SPART: variants seen among roughly 807,000 people sequenced by gnomAD.
SPART encodes the protein spastic paraplegia 20 (Troyer syndrome).
A neutral mutation model predicts 58.7 loss-of-function variants in SPART; 35 were observed. That is an observed-to-expected ratio of 0.60 (90% CI 0.46 to 0.79). The LOEUF (loss-of-function observed/expected upper bound fraction) is 0.79, where lower values mean the gene tolerates loss of function less well. SPART is among the 30% of genes least tolerant of loss of function. The pLI is 0.00. For missense variants in SPART, 730 were observed against 786.1 expected (o/e 0.93, Z 0.85); for synonymous variants, 284 against 280.7 (o/e 1.01, Z -0.12).
At chr13:36,321,158 G>A (rs1213949064) in intron 5 of SPART, among the ~76,000 whole-genome samples, 5 of 152,076 alleles carry the variant, frequency 3.3e-5, no homozygotes, top group African/African-American at 1.2e-4. Flanking sequence ...CTTAGACTGT[G>A]CCCCAGAAAA....
Position 36,312,124 on chromosome 13 carries a change from TTAAAA to T in SPART, c.1733+16_1733+20del. 6.2e-7 allele frequency: 1 copy of T among 1,600,100 alleles called. No homozygotes were observed. Among genetic ancestry groups the T allele is most frequent in the Non-Finnish European group, 8.6e-7 (1 of 1,167,644 alleles). On this transcript the variant is annotated intron_variant, in intron 8 of 8. Coordinates refer to ENST00000438666, the MANE Select transcript of SPART (RefSeq NM_015087.5). ...CAACAACAAAACAGAGATTTAGTCA[TTAAAA>T]TAAAATTCAACTTACTTGTATCTGA...
rs574392167 is a variant in SPART, at chr13:36,338,725, C to T, written c.-2-2893G>A. On this transcript the variant is annotated intron_variant, in intron 1 of 8. Coordinates refer to ENST00000438666, the MANE Select transcript of SPART (RefSeq NM_015087.5). ...AAATGTTACACATTGATTATTGAGACCCACAGCCTTCTTCCCCACAACTTG... is the reference window on the plus strand; with the variant it reads ...AAATGTTACACATTGATTATTGAGATCCACAGCCTTCTTCCCCACAACTTG... Among the ~76,000 whole-genome samples, 172 of 152,186 alleles carry T rather than the reference C, an allele frequency of 1.1e-3. 1 individual carries two copies. The highest frequency in any genetic ancestry group is 8.7e-3 in the South Asian group (42 of 4,818).
At chr13:36,361,793 A>G (rs1885870791) in intron 1 of SPART, among the ~76,000 whole-genome samples, 1 of 152,228 alleles carries the variant, frequency 6.6e-6, no homozygotes. Flanking sequence ...ATTTTTAATT[A>G]TACTACAACA....
intron 8 of SPART, among the ~76,000 whole-genome samples, chr13:36,309,152 G>C (rs948222783): frequency 1.3e-5 from 2 of 151,628 alleles, no homozygotes; most frequent in Non-Finnish European, 2.9e-5. Flanking sequence ...GCTGAGGCAG[G>C]AGAATGGTGT....
At chr13:36,344,088 T>A (rs889270958) in intron 1 of SPART, among the ~76,000 whole-genome samples, 1 of 149,954 alleles carries the variant, frequency 6.7e-6, no homozygotes, top group South Asian at 2.1e-4. Flanking sequence ...GAAAATTAGA[T>A]GAGATGTGTT....
upstream of SPART, among the ~76,000 whole-genome samples, chr13:36,350,587 C>T (rs1471657495): frequency 6.6e-6 from 1 of 152,148 alleles, no homozygotes; most frequent in African/African-American, 2.4e-5. Context: ...TGGCTAAAAA[C>T]CAGCTGCTGT....
chr13:36,315,496 C>A (rs1451096166), intron 5 of SPART, among the ~76,000 whole-genome samples: 2 of 152,158 alleles, frequency 1.3e-5, no homozygotes, highest in Admixed American at 1.3e-4. Context: ...CATGTGAAAA[C>A]CACAGCAGTT....
intron 1 of SPART, among the ~76,000 whole-genome samples, chr13:36,342,865 T>C (rs562802725): frequency 6.6e-6 from 1 of 152,324 alleles, no homozygotes; most frequent in Non-Finnish European, 1.5e-5. Context: ...AATATGCCCA[T>C]TGTCCAGTTA....
chr13:36,312,076 A>G, intron 8 of SPART, 69 bp downstream of exon 8: 1 of 1,458,224 alleles, frequency 6.9e-7, no homozygotes, highest in Non-Finnish European at 9.5e-7. Context: ...AACAAGAGAA[A>G]CTCCCTCTCA....
chr13:36,342,653 T>C (rs1008767142), intron 1 of SPART, among the ~76,000 whole-genome samples: 1 of 152,126 alleles, frequency 6.6e-6, no homozygotes, highest in Non-Finnish European at 1.5e-5. Flanking sequence ...TCTCCAGACA[T>C]TGCCAAATGT....
In SPART at chr13:36,363,761, T is replaced by G. The variant is rs540371664; in HGVS notation, c.-3+6328A>C. Among the ~76,000 whole-genome samples, 652 of 83,892 alleles carry G rather than the reference T, an allele frequency of 7.8e-3. 6 individuals are homozygous for G. Among genetic ancestry groups the G allele is most frequent in the African/African-American group, 0.039 (619 of 15,718 alleles). The allele number at this position is 83,892 out of a possible 152,430, so 55.0% of individuals were successfully genotyped here. ...CAGTGATAGTGTTGCAGCCTGTTGGTTTTTTTTGTTGTTGTTGTTTTTTGT... is the reference window on the plus strand; with the variant it reads ...CAGTGATAGTGTTGCAGCCTGTTGGGTTTTTTTGTTGTTGTTGTTTTTTGT... On this transcript the variant is annotated intron_variant, in intron 1 of 8. Transcript: ENST00000355182.
chr13:36,345,177 C>T (rs9547375), intron 1 of SPART, among the ~76,000 whole-genome samples: 37,916 of 152,050 alleles, frequency 0.25, 5,239 homozygotes, highest in East Asian at 0.51. Context: ...CTTTGTCTAA[C>T]ACCTGTATAC....
At chr13:36,313,555 G>A (rs1881349557) in intron 6 of SPART, among the ~76,000 whole-genome samples, 1 of 152,182 alleles carries the variant, frequency 6.6e-6, no homozygotes, top group Non-Finnish European at 1.5e-5. Context: ...CTTCTGGTAA[G>A]TGCTCTCTAC....
At chr13:36,327,927 G>A (rs1026964922) in intron 4 of SPART, among the ~76,000 whole-genome samples, 1 of 152,196 alleles carries the variant, frequency 6.6e-6, no homozygotes, top group African/African-American at 2.4e-5. Flanking sequence ...CCGGGAGGCG[G>A]AGGTTGCAGT....
chr13:36,343,324 T>C (rs1240049888), intron 1 of SPART, among the ~76,000 whole-genome samples: 1 of 152,164 alleles, frequency 6.6e-6, no homozygotes, highest in East Asian at 1.9e-4. Flanking sequence ...GATAATATTC[T>C]GTGGGGTGGG....
At chr13:36,346,430 C>G (rs948185821), upstream of SPART, 1 of 152,406 alleles carries the variant, frequency 6.6e-6, no homozygotes, top group African/African-American at 2.4e-5. Context: ...CTTCGCGTCA[C>G]GCGGCCGCGC....
At chr13:36,366,448 C>G (rs1441742717) in intron 1 of SPART, among the ~76,000 whole-genome samples, 1 of 152,202 alleles carries the variant, frequency 6.6e-6, no homozygotes, top group African/African-American at 2.4e-5. Context: ...ATTTCTCTCC[C>G]TATTTCAACT....
intron 5 of SPART, among the ~76,000 whole-genome samples, chr13:36,319,251 A>G (rs1426669790): frequency 1.3e-5 from 2 of 151,410 alleles, no homozygotes; most frequent in East Asian, 3.9e-4. Flanking sequence ...CTATTCCTGG[A>G]CTACAGCTGT....
intron 8 of SPART, among the ~76,000 whole-genome samples, chr13:36,308,913 G>C (rs1037458422): frequency 3.9e-5 from 6 of 152,156 alleles, no homozygotes; most frequent in Admixed American, 1.3e-4. Flanking sequence ...AGAAGAATTT[G>C]AGATCTATTG....
Sources: allele counts gnomAD v4.1 joint callset (sites outside exome capture counted in the v4.1 genomes callset), GRCh38; gene constraint gnomAD v4.1.1; transcripts MANE v1.5; gene names NCBI Gene and HGNC (gene_info 2026-07-23, HGNC 2026-07-21).